Variants in ARR3 observed in about 807,000 individuals in gnomAD.
ARR3 encodes the protein arrestin-C.
In ARR3, 14 loss-of-function variants were observed where a neutral mutation model predicts 35.4. That is an observed-to-expected ratio of 0.40 (90% CI 0.26 to 0.62). The LOEUF (loss-of-function observed/expected upper bound fraction) is 0.62, where lower values mean the gene tolerates loss of function less well. ARR3 is among the 20% of genes least tolerant of loss of function. The probability of loss-of-function intolerance (pLI) is 0.46; values close to 1 mark genes in which losing one functional copy is unlikely to be tolerated. For missense variants in ARR3, 259 were observed against 303.8 expected (o/e 0.85, Z 1.10); for synonymous variants, 97 against 119.1 (o/e 0.81, Z 1.21).
chrX:70,277,368 TG>T (rs753004803), intron 8 of ARR3, 25 bp from the exon 9 acceptor site: 1 of 1,202,659 alleles, frequency 8.3e-7, no homozygotes, highest in Non-Finnish European at 1.1e-6. Context: ...GAGGACGCTC[TG>T]GCTAATCTCT....
intron 2 of ARR3, 73 bp downstream of exon 2, chrX:70,269,466 AG>A: frequency 5.6e-6 from 6 of 1,063,597 alleles, no homozygotes; most frequent in Non-Finnish European, 7.8e-6. Context: ...CCTTTGGGGT[AG>A]GGGGATTTCC....
intron 16 of ARR3, 23 bp downstream of exon 16, chrX:70,281,131 A>G (rs2085682111): frequency 8.3e-7 from 1 of 1,208,669 alleles, no homozygotes; most frequent in Admixed American, 2.2e-5. Flanking sequence ...AAGATTGGGA[A>G]GCCCCATTCC....
At position 70,269,834 on chromosome X, in the gene ARR3, C is replaced by T. The variant is rs1378965408; in HGVS notation, c.40-9C>T. On this transcript the variant is annotated splice_polypyrimidine_tract_variant and intron_variant, in intron 3 of 16. Transcript: ENST00000307959. The stretch of plus-strand genomic sequence containing the variant: ...TGTGAGAATAACATGGGAAGTTGTT[C>T]CACAACAGCTCTCCATCTACCTGGG... The T allele has an allele frequency of 4.1e-6, 5 of 1,206,545 alleles. No individual in the cohort carries two copies. The highest frequency in any genetic ancestry group is 4.5e-6 in the Non-Finnish European group (4 of 892,836).
At chrX:70,269,639 T>C in intron 2 of ARR3, 23 bp from the exon 3 acceptor site, 2 of 1,203,279 alleles carry the variant, frequency 1.7e-6, no homozygotes, top group Non-Finnish European at 2.2e-6. Context: ...CTCTCCATCC[T>C]CTTTCTGGTT....
chrX:70,280,744 C>T lies in ARR3; in HGVS notation c.1014-22C>T, dbSNP rs373827939. The T allele has an allele frequency of 3.3e-6, 4 of 1,208,726 alleles. No homozygotes were observed. In the African/African-American group the frequency reaches 7.0e-5, roughly 21 times the overall value. On this transcript the variant is annotated intron_variant, in intron 14 of 16. Coordinates refer to ENST00000307959, the MANE Select transcript of ARR3 (RefSeq NM_004312.3). ...GGGCTTGTAGAGAGAGGAGATGTAACTCCACCTTGGGATCCTTGCAGCGAT... is the reference window on the plus strand; with the variant it reads ...GGGCTTGTAGAGAGAGGAGATGTAATTCCACCTTGGGATCCTTGCAGCGAT...
At chrX:70,275,860 G>C (rs1400949081) in intron 5 of ARR3, among the ~76,000 whole-genome samples, 2 of 106,958 alleles carry the variant, frequency 1.9e-5, no homozygotes, top group Non-Finnish European at 3.9e-5. Context: ...TTTTTTTTTA[G>C]TAGAGATGGG....
At position 70,269,572 on chromosome X, in the gene ARR3, A is replaced by G. The variant is rs999101203; in HGVS notation, c.9-90A>G. The G allele has an allele frequency of 2.0e-5, 22 of 1,084,983 alleles. No individual in the cohort carries two copies. The Admixed American group carries it at 4.5e-4, about 22-fold the overall frequency. The allele number at this position is 1,084,983 out of a possible 1,213,427, so 89.4% of individuals were successfully genotyped here. On this transcript the variant is annotated intron_variant, in intron 2 of 16. Transcript: ENST00000307959. ...TGGAGCCTCTTCTCCTAATCCTAAG[A>G]ATATTTCTTTTTCTCCCCAATTCCC...
At chrX:70,269,540 A>G in intron 2 of ARR3, 122 bp from the exon 3 acceptor site, 1 of 996,008 alleles carries the variant, frequency 1.0e-6, no homozygotes, top group Non-Finnish European at 1.4e-6. Context: ...GCCCCATCCT[A>G]TGCTCCTGGA....
chrX:70,279,238 C>G (rs1039363339), intron 12 of ARR3, among the ~76,000 whole-genome samples: 3 of 112,631 alleles, frequency 2.7e-5, no homozygotes, highest in African/African-American at 9.7e-5. Context: ...GGAAGTCATT[C>G]ACTTGGTCCT....
In ARR3 at chrX:70,276,666, C is replaced by T; in HGVS notation, c.406-3C>T. 3 of 1,211,107 alleles carry T rather than the reference C, an allele frequency of 2.5e-6. No homozygotes were observed. The highest frequency in any genetic ancestry group is 3.4e-6 in the Non-Finnish European group (3 of 894,737). ...AGCTCTCTTTGCCCTTGTCCCTTTACAGCCCTGTGGGATTGACTTTGAAGT... is the reference window on the plus strand; with the variant it reads ...AGCTCTCTTTGCCCTTGTCCCTTTATAGCCCTGTGGGATTGACTTTGAAGT... On this transcript the variant is annotated splice_polypyrimidine_tract_variant and splice_region_variant and intron_variant, in intron 7 of 16. Coordinates refer to ENST00000307959, the MANE Select transcript of ARR3 (RefSeq NM_004312.3).
chrX:70,269,594 T>A (rs2085621484), intron 2 of ARR3, 68 bp from the exon 3 acceptor site: 2 of 1,131,924 alleles, frequency 1.8e-6, no homozygotes, highest in Non-Finnish European at 2.4e-6. Flanking sequence ...TCTCCCCAAT[T>A]CCCTTATTTC....
chrX:70,276,731 C>T lies in ARR3; in HGVS notation c.468C>T (p.Ser156=), dbSNP rs779975266. 5.8e-6 allele frequency: 7 copies of T among 1,207,758 alleles called. No homozygotes were observed. The East Asian group carries it at 2.1e-4, about 36-fold the overall frequency. ...CTGAAAACCCAGAGGAGACAGTCTC[C>T]AAGAGGTATTCTTTGGTTGTCCCCA... ...FCAENPEETV[S]KRDYVRLVVR... Residue 156 remains serine (S), a synonymous_variant, in exon 8 of 17, where the codon TCC becomes TCT. Transcript: ENST00000307959.
intron 16 of ARR3, 52 bp downstream of exon 16, chrX:70,281,160 C>T (rs1305307292): frequency 8.4e-7 from 1 of 1,192,929 alleles, no homozygotes; most frequent in South Asian, 1.8e-5. Flanking sequence ...CATTTCCACC[C>T]TCCATGTTAT....
In ARR3 at chrX:70,280,751, T is replaced by C; in HGVS notation, c.1014-15T>C. The C allele has an allele frequency of 8.3e-7, 1 of 1,210,940 alleles. No homozygotes were observed. The highest frequency in any genetic ancestry group is 1.1e-6 in the Non-Finnish European group (1 of 895,153). On this transcript the variant is annotated splice_polypyrimidine_tract_variant and intron_variant, in intron 14 of 16. Transcript: ENST00000307959. ...TAGAGAGAGGAGATGTAACTCCACC[T>C]TGGGATCCTTGCAGCGATGTTGGTG... is the stretch of plus-strand genomic sequence containing the variant.
rs1378638905 is a variant in ARR3 at position 70,281,760 on chromosome X, G to A, written c.1161G>A (p.Gly387=). 3 of 1,171,149 alleles carry A rather than the reference G, an allele frequency of 2.6e-6. No homozygotes were observed. In the South Asian group the frequency reaches 5.7e-5, roughly 22 times the overall value. Residue 387 remains glycine, a synonymous_variant, in exon 17 of 17, where the codon GGG becomes GGA. Coordinates refer to ENST00000307959, the MANE Select transcript of ARR3 (RefSeq NM_004312.3). ...CTGTGGAGGCTGAGGGAGATGAGGG[G>A]AGCTGAGCACCTCGCTCTGGTGCCC... is the stretch of plus-strand genomic sequence containing the variant. ...QKAVEAEGDE[G]S
chrX:70,276,362 G>A lies in ARR3; in HGVS notation c.346-71G>A, dbSNP rs1311050354. On this transcript the variant is annotated intron_variant, in intron 6 of 16. Transcript: ENST00000307959. ...GCTCAAGAAGGACAACAAGGGAGAGGGTTCCCCATTTCTTTTGTATTTGTT... is the reference window on the plus strand; with the variant it reads ...GCTCAAGAAGGACAACAAGGGAGAGAGTTCCCCATTTCTTTTGTATTTGTT... The A allele has an allele frequency of 6.7e-6, 8 of 1,188,082 alleles. No homozygotes were observed. The African/African-American group carries it at 8.8e-5, about 13-fold the overall frequency.
intron 16 of ARR3, 133 bp downstream of exon 16, chrX:70,281,241 C>A: frequency 1.2e-6 from 1 of 807,345 alleles, no homozygotes; most frequent in Non-Finnish European, 1.8e-6. Context: ...TATGGCTTAG[C>A]TTCGTGTCAC....
rs749532472 is a variant in ARR3, at chrX:70,280,772, T to C, written c.1020T>C (p.Val340=). The C allele has an allele frequency of 5.8e-6, 7 of 1,208,614 alleles. No homozygotes were observed. The South Asian group carries it at 1.1e-4, about 18-fold the overall frequency. ...CACCTTGGGATCCTTGCAGCGATGT[T>C]GGTGTGGAGCTACCCTTGGTCCTGA... ...GILGDLTASD[V]GVELPLVLIH... is the part of the protein sequence containing the mutation. Residue 340 remains valine, a synonymous_variant, in exon 15 of 17, where the codon GTT becomes GTC. Transcript: ENST00000307959.
chrX:70,277,435 C>T lies in ARR3; in HGVS notation c.515C>T (p.Pro172Leu), dbSNP rs748325718. ...RLVVRKVQFAPPEAGPGPSAQ... is the reference protein window; with the variant it reads ...RLVVRKVQFALPEAGPGPSAQ... ...GTTGTCCGGAAAGTACAATTTGCAC[C>T]ACCGGAGGCAGGCCCTGGCCCCTCA... Residue 172 changes from proline to leucine, a missense_variant, in exon 9 of 17, where the codon CCA becomes CTA. Transcript: ENST00000307959. 1 of 1,211,659 alleles carries T rather than the reference C, an allele frequency of 8.3e-7. No homozygotes were observed. Among genetic ancestry groups the T allele is most frequent in the Admixed American group, 2.2e-5 (1 of 46,038 alleles).
Sources: gnomAD v4.1 joint callset for allele counts (sites outside exome capture counted in the v4.1 genomes callset) on GRCh38, gnomAD v4.1.1 for gene constraint, MANE v1.5 for transcripts, NCBI Gene and HGNC (gene_info 2026-07-23, HGNC 2026-07-21) for gene names.